Variants in GABRG3 observed in about 807,000 individuals in gnomAD.
The protein encoded by GABRG3 is gamma-aminobutyric acid receptor subunit gamma-3.
A neutral mutation model predicts 48.8 loss-of-function variants in GABRG3; 25 were observed. That is an observed-to-expected ratio of 0.51 (90% confidence interval 0.37 to 0.72). The LOEUF (loss-of-function observed/expected upper bound fraction) is 0.72, where lower values mean the gene tolerates loss of function less well. Among genes scored for constraint, GABRG3 ranks in the 30% least tolerant of loss-of-function variants. GABRG3 has a pLI of 0.00. For synonymous variants in GABRG3, 227 were observed against 217.6 expected (o/e 1.04, Z -0.38); for missense variants, 394 against 577.9 (o/e 0.68, Z 3.26).
intron 3 of GABRG3, among the ~76,000 whole-genome samples, chr15:27,312,986 T>A (rs957311529): frequency 1.7e-4 from 26 of 149,566 alleles, no homozygotes; most frequent in Non-Finnish European, 3.0e-5. Context: ...ATGGATGTAA[T>A]GGTCTCACTT....
intron 3 of GABRG3, among the ~76,000 whole-genome samples, chr15:27,157,152 G>T (rs530978386): frequency 6.6e-6 from 1 of 152,136 alleles, no homozygotes; most frequent in African/African-American, 2.4e-5. Context: ...CAGATGACTC[G>T]AATTCAATTG....
At position 26,974,765 on chromosome 15, in the gene GABRG3, A is replaced by G. The variant is rs1036046458; in HGVS notation, c.54-2237A>G. On this transcript the variant is annotated intron_variant, in intron 1 of 9. Transcript: ENST00000615808. The surrounding 1 kb of genome is among the most constrained non-coding windows in gnomAD (Gnocchi z 4.3). Reference sequence around the variant, plus strand: ...ATCTAAATGCTTCAACCTGCTCTTTAAGTTTTAAAAAATTTTTGCAAGATG... The same window carrying G: ...ATCTAAATGCTTCAACCTGCTCTTTGAGTTTTAAAAAATTTTTGCAAGATG... Among the ~76,000 whole-genome samples the G allele has an allele frequency of 1.3e-5, 2 of 151,962 alleles. No individual in the cohort carries two copies. The highest frequency in any genetic ancestry group is 4.8e-5 in the African/African-American group (2 of 41,354).
chr15:27,212,185 A>AG (rs1889100480), intron 3 of GABRG3, among the ~76,000 whole-genome samples: 1 of 152,354 alleles, frequency 6.6e-6, no homozygotes, highest in East Asian at 1.9e-4. Context: ...CAGGACCTAA[A>AG]GGGGAAGACA....
intron 3 of GABRG3, among the ~76,000 whole-genome samples, chr15:27,050,479 C>T (rs1238452302): frequency 6.6e-6 from 1 of 152,168 alleles, no homozygotes; most frequent in East Asian, 1.9e-4. Context: ...CCTTGCCCTT[C>T]GTCCTGCTGT....
At chr15:27,062,252 T>C (rs1162975509) in intron 3 of GABRG3, among the ~76,000 whole-genome samples, 2 of 151,742 alleles carry the variant, frequency 1.3e-5, no homozygotes, top group Admixed American at 6.6e-5. Context: ...TGTGCTTATA[T>C]GTGCAGGTGG....
chr15:27,395,680 A>G (rs1316999566), intron 5 of GABRG3, among the ~76,000 whole-genome samples: 1 of 152,164 alleles, frequency 6.6e-6, no homozygotes, highest in African/African-American at 2.4e-5. Context: ...ATAATAAAAA[A>G]ATGAACCTAG....
At chr15:27,314,489 G>A (rs1893143868) in intron 3 of GABRG3, among the ~76,000 whole-genome samples, 1 of 152,118 alleles carries the variant, frequency 6.6e-6, no homozygotes, top group Non-Finnish European at 1.5e-5. Context: ...CAGCCACTAT[G>A]GAAAACAGTA....
intron 2 of GABRG3, among the ~76,000 whole-genome samples, chr15:26,994,453 A>C (rs925598358): frequency 2.6e-5 from 4 of 151,990 alleles, no homozygotes; most frequent in African/African-American, 9.7e-5. Flanking sequence ...ATAGTAAAAA[A>C]AAATGCATGC....
At chr15:27,484,499 T>A (rs185644534) in intron 6 of GABRG3, among the ~76,000 whole-genome samples, 3 of 152,252 alleles carry the variant, frequency 2.0e-5, no homozygotes, top group African/African-American at 4.8e-5. Context: ...CATGTATGAG[T>A]TGATAGACAC....
chr15:27,166,535 G>A (rs1220489513), intron 3 of GABRG3, among the ~76,000 whole-genome samples: 1 of 151,986 alleles, frequency 6.6e-6, no homozygotes, highest in Non-Finnish European at 1.5e-5. Flanking sequence ...CACTGCCTGC[G>A]CCCCTGGCTT....
At chr15:27,171,146 G>A (rs1887554474) in intron 3 of GABRG3, among the ~76,000 whole-genome samples, 1 of 152,116 alleles carries the variant, frequency 6.6e-6, no homozygotes, top group Admixed American at 6.6e-5. Flanking sequence ...GCTGGGGGTG[G>A]GGTGAAAGCC....
rs1241070497 is a variant in GABRG3 at position 27,536,676 on chromosome 15, C to T, written c.*3795C>T. On this transcript the variant is annotated 3_prime_UTR_variant, in exon 10 of 10. Coordinates refer to ENST00000615808, the MANE Select transcript of GABRG3 (RefSeq NM_033223.5). Reference sequence around the variant, plus strand: ...ACACAGTCCTGATGGGGATGAGTGTCTCTAATAGAAACTCCGCACCAAATC... The same window carrying T: ...ACACAGTCCTGATGGGGATGAGTGTTTCTAATAGAAACTCCGCACCAAATC... 6.6e-6 allele frequency: 1 copy of T among 152,140 alleles called. No homozygotes were observed. The highest frequency in any genetic ancestry group is 1.5e-5 in the Non-Finnish European group (1 of 68,040). 9.4% of individuals were successfully genotyped at this position (152,140 alleles called of 1,614,324 possible).
intron 8 of GABRG3, 65 bp from the exon 9 acceptor site, chr15:27,527,868 A>C: frequency 7.5e-7 from 1 of 1,327,788 alleles, no homozygotes; most frequent in Non-Finnish European, 1.1e-6. Flanking sequence ...GATTGCTCTT[A>C]AGAGTGATCT....
intron 5 of GABRG3, among the ~76,000 whole-genome samples, chr15:27,438,173 C>T (rs983957393): frequency 3.9e-5 from 6 of 152,136 alleles, no homozygotes; most frequent in South Asian, 2.1e-4. Flanking sequence ...GATTTCTGTA[C>T]GCTAAGTCAG....
At chr15:27,229,453 T>G (rs200476266) in intron 3 of GABRG3, among the ~76,000 whole-genome samples, 1,474 of 105,152 alleles carry the variant, frequency 0.014, 14 homozygotes, top group African/African-American at 0.027. Context: ...CCTAGGTTTT[T>G]TGTGTGTGTG....
chr15:27,197,794 T>C (rs1888543382), intron 3 of GABRG3, among the ~76,000 whole-genome samples: 1 of 152,262 alleles, frequency 6.6e-6, no homozygotes, highest in African/African-American at 2.4e-5. Flanking sequence ...GAACTTGTTA[T>C]TGGTCTATTC....
In GABRG3 at chr15:27,294,567, G is replaced by A. The variant is rs567872264; in HGVS notation, c.271-32242G>A. Among the ~76,000 whole-genome samples, 13 of 152,212 alleles carry A rather than the reference G, an allele frequency of 8.5e-5. No individual in the cohort carries two copies. The South Asian group carries it at 2.7e-3, about 32-fold the overall frequency. The stretch of plus-strand genomic sequence containing the variant: ...CACCAATGTCATTTCTTGCTCATTT[G>A]TTCCAGTGCAGTGGTTCTTACGGGG... On this transcript the variant is annotated intron_variant, in intron 3 of 9. Coordinates refer to ENST00000615808, the MANE Select transcript of GABRG3 (RefSeq NM_033223.5).
At chr15:27,000,743 T>C (rs544444698) in intron 2 of GABRG3, among the ~76,000 whole-genome samples, 1 of 152,300 alleles carries the variant, frequency 6.6e-6, no homozygotes, top group African/African-American at 2.4e-5. Context: ...GCTGAGCAGA[T>C]GCCAGCACCA....
At chr15:27,198,276 C>T (rs983557641) in intron 3 of GABRG3, among the ~76,000 whole-genome samples, 1 of 152,092 alleles carries the variant, frequency 6.6e-6, no homozygotes, top group Non-Finnish European at 1.5e-5. Context: ...TATCCAGAAT[C>T]TACAAGGAAC....
Sources: gnomAD v4.1 joint callset for allele counts (sites outside exome capture counted in the v4.1 genomes callset) on GRCh38, gnomAD v4.1.1 for gene constraint, Gnocchi (gnomAD v3.1) non-coding constraint, MANE v1.5 for transcripts, NCBI Gene and HGNC (gene_info 2026-07-23, HGNC 2026-07-21) for gene names.